Variants in REPS1 observed in about 807,000 individuals in gnomAD.
REPS1 encodes ralBP1-associated Eps domain-containing protein 1.
REPS1 carries 39 observed loss-of-function variants against 100.9 expected under a neutral mutation model. The ratio of observed to expected loss-of-function variants is 0.39; its 90% CI spans 0.30 to 0.50. The LOEUF is 0.50. REPS1 is among the 20% of genes least tolerant of loss of function. REPS1 has a pLI of 0.86. For missense variants in REPS1, 821 were observed against 968.5 expected (o/e 0.85, Z 2.02); for synonymous variants, 324 against 340.3 (o/e 0.95, Z 0.53).
At chr6:138,936,618 T>G (rs1781858372) in intron 8 of REPS1, among the ~76,000 whole-genome samples, 1 of 94,570 alleles carries the variant, frequency 1.1e-5, no homozygotes, top group Non-Finnish European at 2.0e-5. Flanking sequence ...GGACAGAGTA[T>G]GTTTGGGGGG....
chr6:138,908,108 C>T (rs1049041211), intron 18 of REPS1, among the ~76,000 whole-genome samples: 4 of 152,066 alleles, frequency 2.6e-5, no homozygotes, highest in African/African-American at 9.7e-5. Flanking sequence ...AATTAAAATA[C>T]CAGTTTTACT....
chr6:138,958,463 C>T (rs2128490241), intron 1 of REPS1, among the ~76,000 whole-genome samples: 1 of 152,004 alleles, frequency 6.6e-6, no homozygotes, highest in East Asian at 1.9e-4. Flanking sequence ...TGGTTTGCTG[C>T]ACCTATTGAC....
rs550559831 is a variant in REPS1 at position 138,915,913 on chromosome 6, G to A, written c.1665C>T (p.Pro555=). ...APPPPPPRPQ[P]SHSRSSSLDM... ...CTAAAGATGATGATCTAGAATGAGA[G>A]GGCTGTGGCCTTGGAGGGGGAGGTG... Residue 555 remains proline, a synonymous_variant, in exon 14 of 20, where the codon CCC becomes CCT. Transcript: ENST00000450536. The A allele has an allele frequency of 6.2e-5, 100 of 1,614,076 alleles. No homozygotes were observed. In the South Asian group the frequency reaches 1.1e-3, roughly 17 times the overall value.
chr6:138,913,232 A>AG (rs1780129452), intron 15 of REPS1, among the ~76,000 whole-genome samples: 1 of 152,170 alleles, frequency 6.6e-6, no homozygotes, highest in African/African-American at 2.4e-5. Flanking sequence ...AGGAGAGGGT[A>AG]GGTCTGGCCC....
chr6:138,941,000 T>C (rs556915376), intron 8 of REPS1, among the ~76,000 whole-genome samples: 5 of 152,240 alleles, frequency 3.3e-5, no homozygotes, highest in East Asian at 1.9e-4. Flanking sequence ...ATGTTTATAA[T>C]GAAGATGGGT....
At chr6:138,976,125 T>C (rs1784588794) in intron 1 of REPS1, among the ~76,000 whole-genome samples, 1 of 152,154 alleles carries the variant, frequency 6.6e-6, no homozygotes, top group African/African-American at 2.4e-5. Context: ...ACAGTATCAA[T>C]AAACACTTTG....
chr6:138,961,980 C>T (rs1047785848), intron 1 of REPS1, among the ~76,000 whole-genome samples: 3 of 152,142 alleles, frequency 2.0e-5, no homozygotes, highest in African/African-American at 7.2e-5. Flanking sequence ...AGAATACTTG[C>T]CTAATGACAC....
At position 138,905,500 on chromosome 6, in the gene REPS1, C is replaced by A; in HGVS notation, c.2323-368G>T. Among the ~76,000 whole-genome samples, 2 of 147,754 alleles carry A rather than the reference C, an allele frequency of 1.4e-5. 1 individual carries two copies. Among genetic ancestry groups the A allele is most frequent in the Non-Finnish European group, 3.0e-5 (2 of 66,552 alleles). Reference sequence around the variant, plus strand: ...TAGAGACGGGGTTTCACCTTGTTAGCCAGGATGGTCTCGATCTCCTGACCT... The same window carrying A: ...TAGAGACGGGGTTTCACCTTGTTAGACAGGATGGTCTCGATCTCCTGACCT... On this transcript the variant is annotated intron_variant, in intron 19 of 19. Coordinates refer to ENST00000450536, the MANE Select transcript of REPS1 (RefSeq NM_001286611.2).
chr6:138,916,159 A>G, intron 13 of REPS1, 183 bp from the exon 14 acceptor site: 1 of 475,154 alleles, frequency 2.1e-6, no homozygotes, highest in Non-Finnish European at 3.8e-6. Flanking sequence ...TAAACAACTG[A>G]TTATTTTATG....
In REPS1 at chr6:138,988,062, T is replaced by A. The variant is rs554947397; in HGVS notation, c.-380A>T. On this transcript the variant is annotated 5_prime_UTR_variant, in exon 1 of 20. Transcript: ENST00000450536. ...TCGAGTCTCCCCGGCTCCCTGCCGA[T>A]TCCCCCAGACTTCCCGCCTCGGCTT... 1.0e-5 allele frequency: 4 copies of A among 397,222 alleles called. No homozygotes were observed. Among genetic ancestry groups the A allele is most frequent in the African/African-American group, 8.2e-5 (4 of 48,670 alleles). The allele number at this position is 397,222 out of a possible 1,614,324, so 24.6% of individuals were successfully genotyped here.
Position 138,904,911 on chromosome 6 carries a change from G to C in REPS1, c.*153C>G. ...TTATTGTCGAAATTAAAAAATAAAA[G>C]ATACTTAAATACAACGGTGAACATA... is the stretch of plus-strand genomic sequence containing the variant. On this transcript the variant is annotated 3_prime_UTR_variant, in exon 20 of 20. Coordinates refer to ENST00000450536, the MANE Select transcript of REPS1 (RefSeq NM_001286611.2). 1.8e-6 allele frequency: 1 copy of C among 563,962 alleles called. No individual in the cohort carries two copies. Among genetic ancestry groups the C allele is most frequent in the Non-Finnish European group, 3.2e-6 (1 of 317,072 alleles). 34.9% of individuals were successfully genotyped at this position (563,962 alleles called of 1,614,324 possible).
At chr6:138,941,775 C>G (rs370214459) in intron 7 of REPS1, among the ~76,000 whole-genome samples, 1 of 152,084 alleles carries the variant, frequency 6.6e-6, no homozygotes, top group African/African-American at 2.4e-5. Context: ...AAAGAATGAC[C>G]TATAATTCAC....
intron 1 of REPS1, 94 bp downstream of exon 1, chr6:138,987,436 C>A (rs1160144713): frequency 2.3e-6 from 3 of 1,298,300 alleles, no homozygotes; most frequent in Admixed American, 6.1e-5. Flanking sequence ...AACCAGCCCC[C>A]CGCCGGGCCC....
Position 138,908,810 on chromosome 6 carries a change from C to A in REPS1, c.2074G>T (p.Gly692Cys), listed in dbSNP as rs752107589. The A allele has an allele frequency of 3.7e-6, 6 of 1,612,684 alleles. No individual in the cohort carries two copies. Among genetic ancestry groups the A allele is most frequent in the Admixed American group, 3.4e-5 (2 of 59,698 alleles). Residue 692 changes from glycine to cysteine, a missense_variant, in exon 18 of 20, where the codon GGC becomes TGC. Physicochemically the swap from Gly to Cys is radical, Grantham distance 159 (BLOSUM62 -3). Around this residue, in one of 3 missense-constraint regions of REPS1, gnomAD observed 757 missense variants for 866.4 expected, o/e 0.87. Transcript: ENST00000450536. Reference protein sequence around the residue: ...AASAPANVSKGTTPLAPPPKP... With the variant: ...AASAPANVSKCTTPLAPPPKP... ...GGTGGTGGAGCAAGTGGTGTTGTGC[C>A]TTTGCTCTTTAAGACAAGAATTCCA...
chr6:138,909,620 G>A (rs1407005962), intron 17 of REPS1, among the ~76,000 whole-genome samples: 2 of 151,732 alleles, frequency 1.3e-5, no homozygotes, highest in African/African-American at 4.8e-5. Context: ...TGGGTCATGG[G>A]GGTGGTCCCC....
chr6:138,925,889 A>G (rs143881547), intron 10 of REPS1, among the ~76,000 whole-genome samples: 9 of 152,348 alleles, frequency 5.9e-5, no homozygotes, highest in African/African-American at 2.2e-4. Flanking sequence ...GCTCCTTTGC[A>G]TAAGCGGAAT....
chr6:138,957,847 A>T (rs967423069), intron 1 of REPS1, among the ~76,000 whole-genome samples: 1 of 152,256 alleles, frequency 6.6e-6, no homozygotes, highest in African/African-American at 2.4e-5. Context: ...TAGTCATCAC[A>T]TGAATATTTT....
In REPS1 at chr6:138,954,247, A is replaced by C. The variant is rs1351601441; in HGVS notation, c.154-6334T>G. ...AAAATGACAACTAGATAGGAGGAAT[A>C]AGTTCCACCACTCTAGGATGGCTAT... On this transcript the variant is annotated intron_variant, in intron 1 of 19. Transcript: ENST00000450536. Among the ~76,000 whole-genome samples the C allele has an allele frequency of 9.8e-5, 15 of 152,288 alleles. No individual in the cohort carries two copies. In the South Asian group the frequency reaches 1.9e-3, roughly 19 times the overall value.
intron 12 of REPS1, among the ~76,000 whole-genome samples, chr6:138,918,461 G>A (rs1382439989): frequency 6.6e-6 from 1 of 152,064 alleles, no homozygotes; most frequent in African/African-American, 2.4e-5. Flanking sequence ...TTTCACATTA[G>A]ATACAAACAT....
Sources: allele counts gnomAD v4.1 joint callset (sites outside exome capture counted in the v4.1 genomes callset), GRCh38; gene constraint gnomAD v4.1.1; regional missense constraint gnomAD v4.1.1; transcripts MANE v1.5; gene names NCBI Gene and HGNC (gene_info 2026-07-23, HGNC 2026-07-21).